PXDN: variants seen among roughly 807,000 people sequenced by gnomAD.
The protein encoded by PXDN is peroxidasin homolog.
In PXDN, 77 loss-of-function variants were observed where a neutral mutation model predicts 140.3. The observed-to-expected ratio is 0.55, with a 90% confidence interval of 0.46 to 0.66. PXDN has a LOEUF of 0.66. PXDN is among the 30% of genes least tolerant of loss of function. PXDN has a pLI of 0.00. For synonymous variants in PXDN, 911 were observed against 857.4 expected (o/e 1.06, Z -1.09); for missense variants, 1,838 against 2,039.5 (o/e 0.90, Z 1.90).
chr2:1,672,559 T>C (rs1007219753), intron 9 of PXDN, among the ~76,000 whole-genome samples: 1 of 152,222 alleles, frequency 6.6e-6, no homozygotes, highest in Non-Finnish European at 1.5e-5. Context: ...CTAAATGTCT[T>C]GTGCTAAACA....
rs72208257 is a variant in PXDN at position 1,733,748 on chromosome 2, C to CAAAAAAAAAA, written c.200+10498_200+10507dup. 1.8e-3 allele frequency among the ~76,000 whole-genome samples: 142 copies of CAAAAAAAAAA among 79,074 alleles called. 3 individuals carry two copies. The highest frequency in any genetic ancestry group is 6.1e-3 in the East Asian group (10 of 1,634). The allele number at this position is 79,074 out of a possible 152,430, so 51.9% of individuals were successfully genotyped here. ...CAGAGCAAGATTCTGTGTCAAATGA[C>CAAAAAAAAAA]AAAAAAAAAAAAAAAAAAAGCAGTG... On this transcript the variant is annotated intron_variant, in intron 1 of 22. Coordinates refer to ENST00000252804, the MANE Select transcript of PXDN (RefSeq NM_012293.3).
At chr2:1,657,979 TTCC>T (rs1683189553) in intron 14 of PXDN, among the ~76,000 whole-genome samples, 1 of 139,162 alleles carries the variant, frequency 7.2e-6, no homozygotes, top group Non-Finnish European at 1.5e-5. Context: ...TCACTGTGAT[TTCC>T]TTTCTCCTTG....
rs1031606735 is a variant in PXDN at position 1,685,541 on chromosome 2, C to T, written c.417-1390G>A. Among the ~76,000 whole-genome samples the T allele has an allele frequency of 6.6e-5, 10 of 152,114 alleles. No individual in the cohort carries two copies. Among genetic ancestry groups the T allele is most frequent in the Admixed American group, 1.3e-4 (2 of 15,292 alleles). On this transcript the variant is annotated intron_variant, in intron 4 of 22. Coordinates refer to ENST00000252804, the MANE Select transcript of PXDN (RefSeq NM_012293.3). This position sits in a 1 kb window ranked among gnomAD's most constrained non-coding sequence, Gnocchi z 5.1. ...GGCACAGTGGCTGTGAGCTGCTCAG[C>T]GAGGCTTCAGTGCAGGCAGGCAGGG...
intron 1 of PXDN, among the ~76,000 whole-genome samples, chr2:1,723,149 GCTGA>G (rs1451987277): frequency 1.3e-5 from 2 of 151,424 alleles, no homozygotes; most frequent in Non-Finnish European, 2.9e-5. Flanking sequence ...TTGATGGATG[GCTGA>G]CTGGAAAATG....
chr2:1,659,472 T>C (rs1262988532), intron 14 of PXDN, among the ~76,000 whole-genome samples: 1 of 152,242 alleles, frequency 6.6e-6, no homozygotes, highest in African/African-American at 2.4e-5. Context: ...GTTGAATTTG[T>C]ATTTCTATAA....
chr2:1,697,797 A>G (rs895221919), intron 1 of PXDN, among the ~76,000 whole-genome samples: 1 of 152,204 alleles, frequency 6.6e-6, no homozygotes, highest in Non-Finnish European at 1.5e-5. Context: ...TGTGTGCCAC[A>G]TGCCAATGAG....
chr2:1,686,746 G>A (rs961696886), intron 4 of PXDN, among the ~76,000 whole-genome samples: 7 of 152,142 alleles, frequency 4.6e-5, no homozygotes, highest in African/African-American at 1.4e-4. Flanking sequence ...CATGAGCACC[G>A]TGGGTCCTCA....
chr2:1,683,541 T>C (rs1484241744), intron 6 of PXDN, 115 bp downstream of exon 6: 6 of 928,100 alleles, frequency 6.5e-6, no homozygotes, highest in Non-Finnish European at 9.6e-6. Context: ...TTCTCATTCT[T>C]TCAGAATCAG....
At chr2:1,689,483 T>G (rs1355611699) in intron 3 of PXDN, among the ~76,000 whole-genome samples, 2 of 152,248 alleles carry the variant, frequency 1.3e-5, no homozygotes, top group Non-Finnish European at 1.5e-5. Context: ...TTTGTTTTCA[T>G]GAGAATAGGT....
intron 15 of PXDN, 98 bp from the exon 16 acceptor site, chr2:1,653,883 T>C: frequency 7.5e-7 from 1 of 1,335,004 alleles, no homozygotes. Flanking sequence ...TTAATATTTC[T>C]ACGGCTACTT....
At chr2:1,728,466 A>T (rs1249593906) in intron 1 of PXDN, among the ~76,000 whole-genome samples, 5 of 152,332 alleles carry the variant, frequency 3.3e-5, no homozygotes, top group Admixed American at 3.3e-4. Context: ...CACCTCCGCC[A>T]TTATCTGCGG....
intron 11 of PXDN, 39 bp from the exon 12 acceptor site, chr2:1,663,802 G>T (rs779368708): frequency 1.3e-6 from 2 of 1,597,436 alleles, no homozygotes; most frequent in Admixed American, 1.7e-5. Flanking sequence ...ACACTCGGAC[G>T]CATGGAGAAC....
chr2:1,658,767 G>C (rs1447453190), intron 14 of PXDN, among the ~76,000 whole-genome samples: 1 of 81,124 alleles, frequency 1.2e-5, no homozygotes. Context: ...CCCCGGCATC[G>C]GGCTCATTCT....
At chr2:1,716,013 G>A (rs1005484312) in intron 1 of PXDN, among the ~76,000 whole-genome samples, 2 of 152,222 alleles carry the variant, frequency 1.3e-5, no homozygotes, top group African/African-American at 4.8e-5. Context: ...TTGACGGCAG[G>A]TGGTGGAGTG....
chr2:1,651,865 A>T lies in PXDN; in HGVS notation c.2104+1763T>A, dbSNP rs1484991532. On this transcript the variant is annotated intron_variant, in intron 16 of 22. Coordinates refer to ENST00000252804, the MANE Select transcript of PXDN (RefSeq NM_012293.3). This position sits in a 1 kb window ranked among gnomAD's most constrained non-coding sequence, Gnocchi z 4.4. ...CATCTGCATTTCTCTGGAAGGTCTG[A>T]TCTTTGAGGGCAGAGGTTTTTATTT... 6.6e-6 allele frequency among the ~76,000 whole-genome samples: 1 copy of T among 152,114 alleles called. No individual in the cohort carries two copies.
intron 8 of PXDN, among the ~76,000 whole-genome samples, chr2:1,675,471 A>C (rs1683678423): frequency 6.6e-6 from 1 of 152,234 alleles, no homozygotes; most frequent in Admixed American, 6.5e-5. Context: ...TCTGGATTTT[A>C]AATCTCATCA....
At chr2:1,692,037 A>C (rs1229149722) in intron 2 of PXDN, 38 bp from the exon 3 acceptor site, 2 of 1,405,430 alleles carry the variant, frequency 1.4e-6, no homozygotes, top group East Asian at 5.0e-5. Context: ...AAAAAACAAC[A>C]GAAAACAAAC....
chr2:1,707,779 C>G (rs1354636372), intron 1 of PXDN, among the ~76,000 whole-genome samples: 1 of 151,868 alleles, frequency 6.6e-6, no homozygotes, highest in Non-Finnish European at 1.5e-5. Flanking sequence ...ACCAAGGTGC[C>G]GAAAGCGACG....
intron 14 of PXDN, among the ~76,000 whole-genome samples, chr2:1,659,063 G>A (rs535505541): frequency 4.1e-4 from 62 of 152,300 alleles, no homozygotes; most frequent in African/African-American, 6.3e-4. Flanking sequence ...TCCAGCCCAC[G>A]AAGGCATTTG....
Sources: allele counts gnomAD v4.1 joint callset (sites outside exome capture counted in the v4.1 genomes callset), GRCh38; gene constraint gnomAD v4.1.1; non-coding constraint Gnocchi (gnomAD v3.1); transcripts MANE v1.5; gene names NCBI Gene and HGNC (gene_info 2026-07-23, HGNC 2026-07-21).